MCTP2: variants seen among roughly 807,000 people sequenced by gnomAD.
The protein encoded by MCTP2 is multiple C2 and transmembrane domain-containing protein 2.
MCTP2 carries 132 observed loss-of-function variants against 111.6 expected under a neutral mutation model. That is an observed-to-expected ratio of 1.18 (90% CI 1.03 to 1.37). The LOEUF (loss-of-function observed/expected upper bound fraction) is 1.37. MCTP2 is among the 40% of genes most tolerant of loss of function. MCTP2 has a pLI of 0.00. For missense variants in MCTP2, 1,183 were observed against 1,067.9 expected (o/e 1.11, Z -1.50); for synonymous variants, 395 against 387.7 (o/e 1.02, Z -0.22).
At chr15:94,350,403 C>T (rs1245472845) in intron 8 of MCTP2, among the ~76,000 whole-genome samples, 1 of 152,196 alleles carries the variant, frequency 6.6e-6, no homozygotes, top group Non-Finnish European at 1.5e-5. Flanking sequence ...GCCTCGCCAA[C>T]ATGGTGAAAC....
rs755287019 is a variant in MCTP2, at chr15:94,267,869, C to CTTTTTTTTTTTTTTTTTTTTTTTTTTTT, written c.-65-30318_-65-30317insTTTTTTTTTTTTTTTTTTTTTTTTTTTT. 5.4e-4 allele frequency among the ~76,000 whole-genome samples: 42 copies of CTTTTTTTTTTTTTTTTTTTTTTTTTTTT among 77,458 alleles called. 6 individuals carry two copies. Among genetic ancestry groups the CTTTTTTTTTTTTTTTTTTTTTTTTTTTT allele is most frequent in the African/African-American group, 1.9e-3 (34 of 17,436 alleles). 50.8% of individuals were successfully genotyped at this position (77,458 alleles called of 152,430 possible). A position where few individuals can be genotyped will look rare whatever the true frequency, so the allele number is the denominator to read the frequency against. ...GGTCTGGATTACTTTCCTTTTCTTT[C>CTTTTTTTTTTTTTTTTTTTTTTTTTTTT]TTTTTTTTTTTTTTGAGACAGAGTC... is the stretch of plus-strand genomic sequence containing the variant. On this transcript the variant is annotated intron_variant, in intron 1 of 22. Coordinates refer to ENST00000357742, the MANE Select transcript of MCTP2 (RefSeq NM_001385001.1).
chr15:94,390,099 T>TGC lies in MCTP2; in HGVS notation c.1788+4574_1788+4575insGC, dbSNP rs1220051498. ...ATATATATATATATATGTATATATA[T>TGC]ATATATATATATATGTATATATATA... is the stretch of plus-strand genomic sequence containing the variant. On this transcript the variant is annotated intron_variant, in intron 14 of 22. Transcript: ENST00000357742. Among the ~76,000 whole-genome samples the TGC allele has an allele frequency of 6.4e-4, 8 of 12,444 alleles. 1 individual carries two copies. Among genetic ancestry groups the TGC allele is most frequent in the African/African-American group, 1.1e-3 (7 of 6,390 alleles). 8.2% of individuals were successfully genotyped at this position (12,444 alleles called of 152,430 possible).
intron 12 of MCTP2, among the ~76,000 whole-genome samples, chr15:94,376,621 C>G (rs573123383): frequency 3.9e-5 from 6 of 152,240 alleles, no homozygotes; most frequent in Middle Eastern, 3.4e-3. Flanking sequence ...ATATTTGATA[C>G]GTGAAGAACT....
intron 17 of MCTP2, among the ~76,000 whole-genome samples, chr15:94,403,794 G>A (rs1014022721): frequency 1.3e-5 from 2 of 152,162 alleles, no homozygotes; most frequent in Non-Finnish European, 2.9e-5. Flanking sequence ...AGGCTGCCAT[G>A]TTGTACTCTC....
At chr15:94,465,667 C>T (rs2073214139) in intron 20 of MCTP2, among the ~76,000 whole-genome samples, 1 of 152,000 alleles carries the variant, frequency 6.6e-6, no homozygotes, top group Admixed American at 6.6e-5. Context: ...ACTGTCATTT[C>T]ACTGTAGCAT....
chr15:94,424,225 C>T (rs553198012), intron 17 of MCTP2, among the ~76,000 whole-genome samples: 6 of 152,140 alleles, frequency 3.9e-5, no homozygotes, highest in East Asian at 3.9e-4. Flanking sequence ...TCCTGTATAG[C>T]GTATAGCTGT....
intron 19 of MCTP2, among the ~76,000 whole-genome samples, chr15:94,447,705 A>G (rs1480095351): frequency 6.6e-6 from 1 of 152,232 alleles, no homozygotes; most frequent in Non-Finnish European, 1.5e-5. Context: ...AATGTCTAAA[A>G]CAGTAAATTG....
At chr15:94,293,729 A>C (rs2075132598) in intron 1 of MCTP2, among the ~76,000 whole-genome samples, 1 of 152,248 alleles carries the variant, frequency 6.6e-6, no homozygotes, top group Admixed American at 6.5e-5. Flanking sequence ...CCTCAGTAGG[A>C]TATAGACAAC....
At chr15:94,358,417 G>C (rs2078746100) in intron 9 of MCTP2, 65 bp from the exon 10 acceptor site, 2 of 1,439,622 alleles carry the variant, frequency 1.4e-6, no homozygotes. Context: ...TGAAATTAAT[G>C]TGTAGCTTCT....
chr15:94,419,386 A>G (rs1458197420), intron 17 of MCTP2, among the ~76,000 whole-genome samples: 1 of 152,164 alleles, frequency 6.6e-6, no homozygotes, highest in Non-Finnish European at 1.5e-5. Context: ...ACCTTTCTTT[A>G]TATTATGGTA....
intron 1 of MCTP2, among the ~76,000 whole-genome samples, chr15:94,246,562 T>G (rs965743663): frequency 3.3e-5 from 5 of 152,208 alleles, no homozygotes; most frequent in African/African-American, 1.2e-4. Context: ...TTTACCTCCC[T>G]TAATAGAACC....
At chr15:94,253,911 G>A (rs1397562543) in intron 1 of MCTP2, among the ~76,000 whole-genome samples, 1 of 152,020 alleles carries the variant, frequency 6.6e-6, no homozygotes, top group Non-Finnish European at 1.5e-5. Flanking sequence ...AAACACATCT[G>A]CTTTTTACAT....
At chr15:94,319,666 C>T (rs1355517926) in intron 4 of MCTP2, among the ~76,000 whole-genome samples, 1 of 152,184 alleles carries the variant, frequency 6.6e-6, no homozygotes, top group Non-Finnish European at 1.5e-5. Context: ...AGAGTTTCAA[C>T]TCTTGATTAT....
chr15:94,314,285 C>G lies in MCTP2; in HGVS notation c.469C>G (p.Leu157Val). 3.1e-6 allele frequency: 5 copies of G among 1,604,964 alleles called. No individual in the cohort carries two copies. Among genetic ancestry groups the G allele is most frequent in the Non-Finnish European group, 4.3e-6 (5 of 1,175,330 alleles). Reference sequence around the variant, plus strand: ...TTTTTTTTCTTTTTCTTTGCAGAAGCTATGTGGAAGCAGTGACCTGAATGC... The same window carrying G: ...TTTTTTTTCTTTTTCTTTGCAGAAGGTATGTGGAAGCAGTGACCTGAATGC... ...GGDAPEEPEK[L>V]CGSSDLNASM... The change falls in exon 3 of 23, where the codon CTA becomes GTA. Residue 157 changes from leucine to valine, a missense_variant. By Grantham distance (32) the Leu-to-Val change is conservative (BLOSUM62 1). Transcript: ENST00000357742.
chr15:94,361,908 G>C (rs776951358), intron 10 of MCTP2, among the ~76,000 whole-genome samples: 2 of 152,170 alleles, frequency 1.3e-5, no homozygotes, highest in African/African-American at 2.4e-5. Flanking sequence ...TGGGTAGGTT[G>C]TTAGCTTGGT....
rs1225731773 is a variant in MCTP2 at position 94,409,894 on chromosome 15, C to CCTCTCTCT, written c.2085+7883_2085+7890dup. Among the ~76,000 whole-genome samples, 4 of 146,022 alleles carry CCTCTCTCT rather than the reference C, an allele frequency of 2.7e-5. No homozygotes were observed. In the East Asian group the frequency reaches 6.1e-4, roughly 22 times the overall value. On this transcript the variant is annotated intron_variant, in intron 17 of 22. Transcript: ENST00000357742. ...TTCCCCCTCCCTTTCCCCCTCCCTCCCTCTCTCTCTCTCTCCTTCCTCCTC... is the reference window on the plus strand; with the variant it reads ...TTCCCCCTCCCTTTCCCCCTCCCTCCCTCTCTCTCTCTCTCTCTCTCTCCTTCCTCCTC...
At chr15:94,386,540 G>T (rs1413718954) in intron 14 of MCTP2, among the ~76,000 whole-genome samples, 2 of 152,220 alleles carry the variant, frequency 1.3e-5, no homozygotes, top group Non-Finnish European at 2.9e-5. Context: ...CCTGTCTGCA[G>T]CATCTGCTCC....
chr15:94,430,172 T>C (rs1387586915), intron 17 of MCTP2, among the ~76,000 whole-genome samples: 1 of 152,162 alleles, frequency 6.6e-6, no homozygotes, highest in Non-Finnish European at 1.5e-5. Flanking sequence ...TCTTCTTAAA[T>C]ATGAGTCAAA....
In MCTP2 at chr15:94,479,027, C is replaced by G; in HGVS notation, c.2630C>G (p.Ala877Gly). 6.2e-7 allele frequency: 1 copy of G among 1,614,030 alleles called. No individual in the cohort carries two copies. The highest frequency in any genetic ancestry group is 8.5e-7 in the Non-Finnish European group (1 of 1,179,964). The change falls in exon 23 of 23, where the codon GCT (alanine) becomes GGT (glycine). Residue 877 changes from alanine (A) to glycine (G), a missense_variant. Coordinates refer to ENST00000357742, the MANE Select transcript of MCTP2 (RefSeq NM_001385001.1). ...AGCCCCCTGCGGAAGAAGCGCAGCGCTCTCTAGGGCACACACCGACTTTGG... is the reference window on the plus strand; with the variant it reads ...AGCCCCCTGCGGAAGAAGCGCAGCGGTCTCTAGGGCACACACCGACTTTGG... ...SHSPLRKKRS[A>G]L
Sources: gnomAD v4.1 joint callset for allele counts (sites outside exome capture counted in the v4.1 genomes callset) on GRCh38, gnomAD v4.1.1 for gene constraint, MANE v1.5 for transcripts, NCBI Gene and HGNC (gene_info 2026-07-23, HGNC 2026-07-21) for gene names.